PCDHA1: variants seen among roughly 807,000 people sequenced by gnomAD.
The protein encoded by PCDHA1 is protocadherin alpha-1.
In PCDHA1, 42 loss-of-function variants were observed where a neutral mutation model predicts 61.3. The observed-to-expected ratio is 0.69, with a 90% CI of 0.54 to 0.89. The LOEUF (loss-of-function observed/expected upper bound fraction) is 0.89, where lower values mean the gene tolerates loss of function less well. PCDHA1 is among the 40% of genes least tolerant of loss of function. The pLI is 0.00. For synonymous variants in PCDHA1, 610 were observed against 553.8 expected, an observed-to-expected ratio of 1.10 and a Z score of -1.43; for missense variants, 1,256 against 1,235.3, an observed-to-expected ratio of 1.02 and a Z score of -0.25.
intron 1 of PCDHA1, among the ~76,000 whole-genome samples, chr5:140,879,645 G>T (rs1392592069): frequency 2.0e-5 from 3 of 152,228 alleles, no homozygotes; most frequent in Non-Finnish European, 4.4e-5. Flanking sequence ...GCTTCCTGTG[G>T]CTGCTATAAC....
chr5:140,926,680 A>C (rs2153583997), intron 1 of PCDHA1: 1 of 637,102 alleles, frequency 1.6e-6, no homozygotes, highest in Non-Finnish European at 2.4e-6. Flanking sequence ...CCCAGCCTCC[A>C]GCCTAGCAAG....
chr5:140,933,629 C>G (rs958764636), intron 1 of PCDHA1, among the ~76,000 whole-genome samples: 1 of 151,846 alleles, frequency 6.6e-6, no homozygotes, highest in Non-Finnish European at 1.5e-5. Context: ...TTAGGCTGGC[C>G]CTGTTAAACA....
At chr5:141,004,679 TG>T in intron 3 of PCDHA1, among the ~76,000 whole-genome samples, 1 of 152,160 alleles carries the variant, frequency 6.6e-6, no homozygotes, top group South Asian at 2.1e-4. Context: ...GACTGTGGAG[TG>T]GTGCTGAAAC....
chr5:140,966,659 G>T, intron 1 of PCDHA1: 1 of 1,217,656 alleles, frequency 8.2e-7, no homozygotes, highest in South Asian at 2.0e-5. Flanking sequence ...AGCGGTGGGG[G>T]AGCAGGCGCA....
At chr5:140,860,280 G>A (rs1339122152) in intron 1 of PCDHA1, 2 of 151,906 alleles carry the variant, frequency 1.3e-5, no homozygotes, top group Admixed American at 1.3e-4. Context: ...ACTTGGGAGG[G>A]TGAGGTGGGA....
chr5:140,824,618 T>TTTTTTTTTA (rs1562279613), intron 1 of PCDHA1: 1 of 128,814 alleles, frequency 7.8e-6, no homozygotes, highest in Middle Eastern at 3.3e-3. Flanking sequence ...AAGTTTTTTT[T>TTTTTTTTTA]TTTTTTTTTT....
intron 1 of PCDHA1, among the ~76,000 whole-genome samples, chr5:140,904,937 A>C (rs2071485651): frequency 6.6e-6 from 1 of 152,190 alleles, no homozygotes; most frequent in Non-Finnish European, 1.5e-5. Flanking sequence ...GGTTCTGGAT[A>C]TTAGTCCTTT....
At chr5:140,843,592 G>C in intron 1 of PCDHA1, 1 of 1,596,002 alleles carries the variant, frequency 6.3e-7, no homozygotes, top group African/African-American at 1.3e-5. Context: ...AGCCGCAGAG[G>C]GTGTGCTCTG....
chr5:140,945,346 A>C (rs2093775452), intron 1 of PCDHA1, among the ~76,000 whole-genome samples: 1 of 152,132 alleles, frequency 6.6e-6, no homozygotes, highest in South Asian at 2.1e-4. Context: ...AGCTTGGAAA[A>C]ATTAATACTG....
Position 140,850,129 on chromosome 5 carries a change from TG to T in PCDHA1, c.2394+61448del, listed in dbSNP as rs2150469009. On this transcript the variant is annotated intron_variant, in intron 1 of 3. Coordinates refer to ENST00000504120, the MANE Select transcript of PCDHA1 (RefSeq NM_018900.4). Reference sequence around the variant, plus strand: ...GCGCGCGACGCGGGCGTGCCGCCTCTGGGCAGCAACGTGACGCTGCAGGTGT... The same window carrying T: ...GCGCGCGACGCGGGCGTGCCGCCTCTGGCAGCAACGTGACGCTGCAGGTGT... 23 of 1,595,784 alleles carry T rather than the reference TG, an allele frequency of 1.4e-5. 1 individual carries two copies. The South Asian group carries it at 2.4e-4, about 17-fold the overall frequency.
intron 3 of PCDHA1, among the ~76,000 whole-genome samples, chr5:140,984,413 CAGAGAT>C (rs1244237847): frequency 1.3e-5 from 2 of 152,148 alleles, no homozygotes; most frequent in African/African-American, 4.8e-5. Context: ...ATCTTTTTTA[CAGAGAT>C]AGAGAAGGGG....
At chr5:140,842,020 G>A in intron 1 of PCDHA1, 1 of 1,613,768 alleles carries the variant, frequency 6.2e-7, no homozygotes, top group South Asian at 1.1e-5. Flanking sequence ...TCACAGTGCT[G>A]GATGTGAATG....
At chr5:140,942,860 G>T (rs1262172468) in intron 1 of PCDHA1, among the ~76,000 whole-genome samples, 15 of 151,964 alleles carry the variant, frequency 9.9e-5, no homozygotes, top group Admixed American at 9.8e-4. Context: ...TGATTATTTT[G>T]CTTTAGCATG....
rs781804267 is a variant in PCDHA1 at position 140,787,036 on chromosome 5, T to G, written c.746T>G (p.Val249Gly). The G allele has an allele frequency of 3.1e-6, 5 of 1,614,138 alleles. No homozygotes were observed. The highest frequency in any genetic ancestry group is 4.2e-6 in the Non-Finnish European group (5 of 1,180,022). ...APLFDQAVYR[V>G]HLLETTANGT... ...CTGTTTGACCAGGCCGTATACAGAGTCCACTTGTTAGAGACTACAGCAAAT... is the reference window on the plus strand; with the variant it reads ...CTGTTTGACCAGGCCGTATACAGAGGCCACTTGTTAGAGACTACAGCAAAT... Residue 249 changes from valine (V) to glycine (G), a missense_variant, in exon 1 of 4, where the codon GTC (valine) becomes GGC (glycine). Coordinates refer to ENST00000504120, the MANE Select transcript of PCDHA1 (RefSeq NM_018900.4).
intron 1 of PCDHA1, among the ~76,000 whole-genome samples, chr5:140,972,660 A>ATT (rs11350929): frequency 4.2e-4 from 49 of 117,232 alleles, no homozygotes; most frequent in Non-Finnish European, 5.7e-4. Context: ...AAGAAACCAA[A>ATT]TTTTTTTTTT....
At chr5:140,862,433 G>A (rs781821294) in intron 1 of PCDHA1, 31 of 354,884 alleles carry the variant, frequency 8.7e-5, no homozygotes, top group Admixed American at 2.6e-4. Context: ...GAAACTATTC[G>A]TTGGTACTCC....
At chr5:140,803,325 C>G in intron 1 of PCDHA1, 1 of 1,614,176 alleles carries the variant, frequency 6.2e-7, no homozygotes, top group South Asian at 1.1e-5. Flanking sequence ...GGTGTCCAGT[C>G]TGTTGGTGCT....
intron 1 of PCDHA1, chr5:140,841,263 GT>G (rs1777118084): frequency 6.6e-7 from 1 of 1,521,614 alleles, no homozygotes; most frequent in African/African-American, 1.4e-5. Flanking sequence ...GACTCTGAAA[GT>G]ACAGTCGTTC....
intron 1 of PCDHA1, chr5:140,849,371 G>C: frequency 6.7e-7 from 1 of 1,495,460 alleles, no homozygotes. Flanking sequence ...TAAAATCCAA[G>C]TTCCACATGG....
Sources: allele counts gnomAD v4.1 joint callset (sites outside exome capture counted in the v4.1 genomes callset), GRCh38; gene constraint gnomAD v4.1.1; transcripts MANE v1.5; gene names NCBI Gene and HGNC (gene_info 2026-07-23, HGNC 2026-07-21).